Variants in ROBO1 observed in about 807,000 individuals in gnomAD.
ROBO1 encodes roundabout homolog 1.
Under a neutral mutation model 195.9 loss-of-function variants are expected in ROBO1, and 149 were observed. The ratio of observed to expected loss-of-function variants is 0.76; its 90% confidence interval spans 0.67 to 0.87. The LOEUF (loss-of-function observed/expected upper bound fraction) is 0.87, where lower values mean the gene tolerates loss of function less well. ROBO1 is among the 40% of genes least tolerant of loss of function. The pLI is 0.00. For synonymous variants in ROBO1, 816 were observed against 733.2 expected (o/e 1.11, Z -1.82); for missense variants, 1,933 against 2,068.3 (o/e 0.93, Z 1.27).
At chr3:78,909,503 T>C (rs1327362162) in intron 4 of ROBO1, among the ~76,000 whole-genome samples, 1 of 151,814 alleles carries the variant, frequency 6.6e-6, no homozygotes, top group Non-Finnish European at 1.5e-5. Flanking sequence ...TACATTAAAC[T>C]CGATGACGTG....
chr3:79,753,162 G>A (rs1429457380), intron 1 of ROBO1, among the ~76,000 whole-genome samples: 3 of 152,034 alleles, frequency 2.0e-5, no homozygotes, highest in Non-Finnish European at 2.9e-5. Flanking sequence ...ATTTAGTATA[G>A]ACCTGTGGTT....
intron 2 of ROBO1, among the ~76,000 whole-genome samples, chr3:79,194,068 AAAT>A (rs1426757818): frequency 2.6e-5 from 4 of 151,678 alleles, no homozygotes; most frequent in Non-Finnish European, 5.9e-5. Context: ...GCCATTTCCT[AAAT>A]AAATACGTAG....
At chr3:79,284,493 AAAAC>A (rs1559790023) in intron 2 of ROBO1, among the ~76,000 whole-genome samples, 3 of 152,182 alleles carry the variant, frequency 2.0e-5, no homozygotes, top group Admixed American at 6.5e-5. Context: ...TAAAAAACAA[AAAAC>A]AAACAAAAAA....
intron 26 of ROBO1, among the ~76,000 whole-genome samples, chr3:78,626,098 TAG>T (rs1704759698): frequency 6.6e-6 from 1 of 151,592 alleles, no homozygotes; most frequent in Admixed American, 6.6e-5. Flanking sequence ...ACCCTGAGAA[TAG>T]AGACAGGAAT....
At chr3:78,898,826 T>C (rs558237530) in intron 4 of ROBO1, among the ~76,000 whole-genome samples, 1 of 152,300 alleles carries the variant, frequency 6.6e-6, no homozygotes, top group Non-Finnish European at 1.5e-5. Context: ...TGTATATATA[T>C]GTAAAGTGAT....
chr3:79,117,567 T>C (rs1208985766), intron 3 of ROBO1, among the ~76,000 whole-genome samples: 1 of 152,110 alleles, frequency 6.6e-6, no homozygotes, highest in African/African-American at 2.4e-5. Context: ...CTTCCATTTC[T>C]TTGCCTGGGA....
intron 10 of ROBO1, among the ~76,000 whole-genome samples, chr3:78,670,817 G>A (rs1201278063): frequency 1.3e-5 from 2 of 152,124 alleles, no homozygotes; most frequent in Non-Finnish European, 2.9e-5. Context: ...ATTGGATTTC[G>A]TAATTTAATA....
chr3:79,556,115 C>T (rs574586594), intron 2 of ROBO1, among the ~76,000 whole-genome samples: 16 of 151,638 alleles, frequency 1.1e-4, no homozygotes, highest in Non-Finnish European at 1.8e-4. Flanking sequence ...TAAACTATAC[C>T]TTTAATCTTT....
chr3:78,864,972 T>G (rs1046601350), intron 4 of ROBO1, among the ~76,000 whole-genome samples: 3 of 152,160 alleles, frequency 2.0e-5, no homozygotes, highest in African/African-American at 7.2e-5. Context: ...TGATCGCTAC[T>G]TTTTTGTATT....
chr3:79,682,171 A>T (rs1560096309), intron 1 of ROBO1, among the ~76,000 whole-genome samples: 3 of 152,040 alleles, frequency 2.0e-5, no homozygotes. Flanking sequence ...TATAGAATAA[A>T]TAATACCCAT....
At chr3:79,092,563 C>T (rs1197233638) in intron 3 of ROBO1, among the ~76,000 whole-genome samples, 1 of 152,178 alleles carries the variant, frequency 6.6e-6, no homozygotes, top group East Asian at 1.9e-4. Context: ...TTGCAACTAT[C>T]TTATGCTATG....
At chr3:78,686,803 T>C (rs551178588) in intron 9 of ROBO1, among the ~76,000 whole-genome samples, 1 of 152,318 alleles carries the variant, frequency 6.6e-6, no homozygotes, top group Admixed American at 6.5e-5. Context: ...TGCCAAACTT[T>C]TAACACATAT....
chr3:78,658,382 C>G (rs1307477673), intron 17 of ROBO1, among the ~76,000 whole-genome samples: 2 of 152,192 alleles, frequency 1.3e-5, no homozygotes, highest in East Asian at 3.9e-4. Flanking sequence ...CCTCCACCTC[C>G]CGGGTTCCAG....
chr3:78,655,649 T>C (rs1180055333), intron 18 of ROBO1, among the ~76,000 whole-genome samples: 1 of 152,172 alleles, frequency 6.6e-6, no homozygotes, highest in East Asian at 1.9e-4. Flanking sequence ...TTCTTCAAAA[T>C]AAATGTGAAG....
At chr3:78,832,961 G>A (rs763583455) in intron 4 of ROBO1, among the ~76,000 whole-genome samples, 18 of 152,158 alleles carry the variant, frequency 1.2e-4, no homozygotes, top group Non-Finnish European at 2.1e-4. Flanking sequence ...TGACTAGAGA[G>A]GAGGCCATTG....
chr3:78,673,554 CATATATTTTATAT>C (rs1708195918), intron 10 of ROBO1, among the ~76,000 whole-genome samples: 1 of 83,238 alleles, frequency 1.2e-5, no homozygotes, highest in Non-Finnish European at 2.5e-5. Context: ...AGCTAGGTTA[CATATATTTTATAT>C]ATATATATAT....
At position 79,547,046 on chromosome 3, in the gene ROBO1, G is replaced by T. The variant is rs575208007; in HGVS notation, c.88+42778C>A. ...AATACAAAAACAAAATTAGCCGGGCGTGGTGGCGGGTGCCTCTAGTCCCAG... is the reference window on the plus strand; with the variant it reads ...AATACAAAAACAAAATTAGCCGGGCTTGGTGGCGGGTGCCTCTAGTCCCAG... On this transcript the variant is annotated intron_variant, in intron 2 of 30. Coordinates refer to ENST00000464233, the MANE Select transcript of ROBO1 (RefSeq NM_002941.4). Among the ~76,000 whole-genome samples the T allele has an allele frequency of 4.1e-3, 625 of 151,830 alleles. 2 individuals are homozygous for T. Among genetic ancestry groups the T allele is most frequent in the Non-Finnish European group, 6.5e-3 (438 of 67,878 alleles).
rs1268139543 is a variant in ROBO1 at position 78,597,799 on chromosome 3, T to G, written c.*1114A>C. The G allele has an allele frequency of 6.6e-6, 1 of 152,508 alleles. No individual in the cohort carries two copies. The highest frequency in any genetic ancestry group is 2.4e-5 in the African/African-American group (1 of 41,420). 9.4% of individuals were successfully genotyped at this position (152,508 alleles called of 1,614,324 possible). A position where few individuals can be genotyped will look rare whatever the true frequency, so the allele number is the denominator to read the frequency against. On this transcript the variant is annotated 3_prime_UTR_variant, in exon 31 of 31. Coordinates refer to ENST00000464233, the MANE Select transcript of ROBO1 (RefSeq NM_002941.4). ...ATAAAGTATGCATGTTACTTCACCA[T>G]CTGTCATTATTCAAATATTCCAAAT...
intron 2 of ROBO1, among the ~76,000 whole-genome samples, chr3:79,388,872 T>C (rs1161240744): frequency 6.6e-6 from 1 of 152,064 alleles, no homozygotes; most frequent in Non-Finnish European, 1.5e-5. Context: ...GTATGATGGG[T>C]ATATATTTTG....
Sources: allele counts gnomAD v4.1 joint callset (sites outside exome capture counted in the v4.1 genomes callset), GRCh38; gene constraint gnomAD v4.1.1; transcripts MANE v1.5; gene names NCBI Gene and HGNC (gene_info 2026-07-23, HGNC 2026-07-21).